The following WDFY3 variants were observed in gnomAD, a reference collection of about 807,000 sequenced individuals.
The protein encoded by WDFY3 is WD repeat and FYVE domain-containing protein 3.
WDFY3 carries 66 observed loss-of-function variants against 409.6 expected under a neutral mutation model. The observed-to-expected ratio is 0.16, with a 90% CI of 0.13 to 0.20. WDFY3 has a LOEUF of 0.20. Ranked by LOEUF, WDFY3 falls within the 10% of genes least tolerant of loss-of-function variation. The pLI is 1.00. For missense variants in WDFY3, 3,031 were observed against 4,298.1 expected, an observed-to-expected ratio of 0.71 and a Z score of 8.24; for synonymous variants, 1,521 against 1,537.1, an observed-to-expected ratio of 0.99 and a Z score of 0.25.
intron 48 of WDFY3, 61 bp downstream of exon 48, chr4:84,718,361 A>C: frequency 6.6e-7 from 1 of 1,516,168 alleles, no homozygotes; most frequent in South Asian, 1.4e-5. Context: ...AGAAAACTGC[A>C]AATACATTTT....
intron 1 of WDFY3, among the ~76,000 whole-genome samples, chr4:84,946,035 G>A (rs538848763): frequency 1.3e-5 from 2 of 152,208 alleles, no homozygotes; most frequent in Non-Finnish European, 2.9e-5. Context: ...AAGAACTTGG[G>A]GGAATCTCAT....
chr4:84,894,512 C>A lies in WDFY3; in HGVS notation c.-32+2399G>T, dbSNP rs184834169. 2.6e-3 allele frequency among the ~76,000 whole-genome samples: 400 copies of A among 151,866 alleles called. 1 individual carries two copies. The highest frequency in any genetic ancestry group is 4.7e-3 in the Admixed American group (71 of 15,254). The stretch of plus-strand genomic sequence containing the variant: ...CATCTCTACTAAAAATTAGGCTGGG[C>A]GTGGTGGCTCATGCCTGTAGTCCTA... On this transcript the variant is annotated intron_variant, in intron 3 of 67. Coordinates refer to ENST00000295888, the MANE Select transcript of WDFY3 (RefSeq NM_014991.6).
At chr4:84,821,044 C>T (rs774070118) in intron 11 of WDFY3, 40 bp downstream of exon 11, 14 of 1,503,898 alleles carry the variant, frequency 9.3e-6, no homozygotes, top group African/African-American at 1.4e-5. Context: ...TGTTTTGAAC[C>T]CCTTTTCAAA....
At chr4:84,700,492 C>T (rs1024004425) in intron 56 of WDFY3, among the ~76,000 whole-genome samples, 23 of 152,304 alleles carry the variant, frequency 1.5e-4, no homozygotes, top group Admixed American at 1.4e-3. Context: ...GTGTGAGCCA[C>T]CATGCCTGGC....
At chr4:84,841,754 G>C (rs760455970) in intron 5 of WDFY3, among the ~76,000 whole-genome samples, 9 of 152,200 alleles carry the variant, frequency 5.9e-5, no homozygotes, top group Non-Finnish European at 1.3e-4. Context: ...AAAAAATAGA[G>C]ATGCCTAATT....
At chr4:84,786,556 A>C (rs1747585985) in intron 23 of WDFY3, among the ~76,000 whole-genome samples, 1 of 152,224 alleles carries the variant, frequency 6.6e-6, no homozygotes. Context: ...CTTTGAGACC[A>C]CAAAGCAGAG....
intron 6 of WDFY3, among the ~76,000 whole-genome samples, chr4:84,837,668 G>A (rs1756778532): frequency 2.0e-5 from 3 of 152,188 alleles, no homozygotes; most frequent in South Asian, 4.1e-4. Flanking sequence ...GATATCCAGA[G>A]GAGAAACTCT....
At chr4:84,902,305 CAAG>C (rs1766446769) in intron 2 of WDFY3, among the ~76,000 whole-genome samples, 1 of 152,098 alleles carries the variant, frequency 6.6e-6, no homozygotes, top group South Asian at 2.1e-4. Context: ...TCACAGAAAA[CAAG>C]AGGTAGAATT....
chr4:84,878,938 C>T (rs1763131152), intron 3 of WDFY3, among the ~76,000 whole-genome samples: 1 of 152,172 alleles, frequency 6.6e-6, no homozygotes, highest in African/African-American at 2.4e-5. Context: ...TAAGTGTCTA[C>T]TATATATAAG....
intron 3 of WDFY3, among the ~76,000 whole-genome samples, chr4:84,891,619 A>G (rs925907477): frequency 1.3e-5 from 2 of 152,188 alleles, no homozygotes; most frequent in African/African-American, 2.4e-5. Flanking sequence ...TAATAATTTG[A>G]AAGTATTTAT....
intron 14 of WDFY3, 59 bp from the exon 15 acceptor site, chr4:84,808,476 T>C (rs1751910527): frequency 4.1e-6 from 6 of 1,469,480 alleles, no homozygotes; most frequent in Admixed American, 3.6e-5. Context: ...GAACACCAGG[T>C]TGGCAGTTGG....
At position 84,721,338 on chromosome 4, in the gene WDFY3, T is replaced by C. The variant is rs182130433; in HGVS notation, c.7605+71A>G. 385 of 1,570,572 alleles carry C rather than the reference T, an allele frequency of 2.5e-4. 1 individual carries two copies. Among genetic ancestry groups the C allele is most frequent in the Non-Finnish European group, 3.2e-4 (369 of 1,158,988 alleles). On this transcript the variant is annotated intron_variant, in intron 47 of 67. Transcript: ENST00000295888. ...ATGCATTTACTTTCCACAGCTACCC[T>C]ATCAACTCATCTTGTCTTAATAATA...
At chr4:84,944,139 CTAAA>C (rs1283212769) in intron 1 of WDFY3, among the ~76,000 whole-genome samples, 2 of 152,156 alleles carry the variant, frequency 1.3e-5, no homozygotes, top group East Asian at 1.9e-4. Context: ...CAATAAGACT[CTAAA>C]TATCTTTTCG....
At chr4:84,879,916 C>T (rs1763264289) in intron 3 of WDFY3, among the ~76,000 whole-genome samples, 1 of 152,108 alleles carries the variant, frequency 6.6e-6, no homozygotes. Flanking sequence ...TGCAAATTAA[C>T]ATAACAACGA....
intron 35 of WDFY3, among the ~76,000 whole-genome samples, chr4:84,752,615 C>A (rs1238990215): frequency 1.3e-5 from 2 of 150,320 alleles, no homozygotes; most frequent in East Asian, 3.9e-4. Flanking sequence ...AATAAGGATT[C>A]TAAAATTATA....
At chr4:84,679,839 TATACAC>T (rs1030555649) in intron 64 of WDFY3, among the ~76,000 whole-genome samples, 12 of 148,388 alleles carry the variant, frequency 8.1e-5, no homozygotes, top group Non-Finnish European at 1.2e-4. Flanking sequence ...TATATATATA[TATACAC>T]ACACACACAC....
At chr4:84,791,035 T>C (rs1748430196) in intron 21 of WDFY3, among the ~76,000 whole-genome samples, 1 of 152,246 alleles carries the variant, frequency 6.6e-6, no homozygotes, top group Non-Finnish European at 1.5e-5. Context: ...GCAGCTGCTA[T>C]GGAAAACAGT....
chr4:84,852,680 TG>T (rs1268029719), intron 4 of WDFY3, among the ~76,000 whole-genome samples: 1 of 152,216 alleles, frequency 6.6e-6, no homozygotes, highest in Non-Finnish European at 1.5e-5. Context: ...ATTTTTTTCC[TG>T]AGATTTTGAT....
intron 3 of WDFY3, among the ~76,000 whole-genome samples, chr4:84,869,239 C>A (rs1297367755): frequency 6.6e-6 from 1 of 152,194 alleles, no homozygotes; most frequent in Admixed American, 6.5e-5. Flanking sequence ...TCACTCTGGT[C>A]TTTTAATCCA....
Sources: allele counts gnomAD v4.1 joint callset (sites outside exome capture counted in the v4.1 genomes callset), GRCh38; gene constraint gnomAD v4.1.1; transcripts MANE v1.5; gene names NCBI Gene and HGNC (gene_info 2026-07-23, HGNC 2026-07-21).